Variants in MYRIP observed in about 807,000 individuals in gnomAD.
The protein encoded by MYRIP is rab effector MyRIP.
Under a neutral mutation model 98.0 loss-of-function variants are expected in MYRIP, and 49 were observed. The ratio of observed to expected loss-of-function variants is 0.50; its 90% CI spans 0.40 to 0.63. The LOEUF is 0.63. Among genes scored for constraint, MYRIP ranks in the 30% least tolerant of loss-of-function variants. The pLI, the probability that MYRIP is intolerant of heterozygous loss-of-function variation, is 0.00. For synonymous variants in MYRIP, 404 were observed against 409.5 expected (o/e 0.99, Z 0.16); for missense variants, 1,004 against 1,058.2 (o/e 0.95, Z 0.71).
At chr3:39,826,670 T>A (rs1575277957) in intron 1 of MYRIP, among the ~76,000 whole-genome samples, 1 of 152,160 alleles carries the variant, frequency 6.6e-6, no homozygotes, top group Non-Finnish European at 1.5e-5. Flanking sequence ...TGGGGTGCAG[T>A]TTAAATCCAA....
At chr3:39,847,431 TAAGG>T (rs888659791) in intron 1 of MYRIP, among the ~76,000 whole-genome samples, 1 of 152,158 alleles carries the variant, frequency 6.6e-6, no homozygotes, top group African/African-American at 2.4e-5. Context: ...CATAACAAAA[TAAGG>T]AAGAAATACT....
chr3:40,147,705 T>C (rs1950038149), intron 3 of MYRIP, among the ~76,000 whole-genome samples: 1 of 152,252 alleles, frequency 6.6e-6, no homozygotes. Flanking sequence ...TTTTTGGTTT[T>C]GGTTTTGATT....
intron 3 of MYRIP, among the ~76,000 whole-genome samples, chr3:40,147,474 T>C (rs1157907864): frequency 6.6e-6 from 1 of 152,192 alleles, no homozygotes; most frequent in South Asian, 2.1e-4. Flanking sequence ...TGTCTATAAA[T>C]AGGGTGAAAA....
chr3:39,838,706 G>A (rs1941702166), intron 1 of MYRIP, among the ~76,000 whole-genome samples: 1 of 152,032 alleles, frequency 6.6e-6, no homozygotes, highest in South Asian at 2.1e-4. Flanking sequence ...TTTCGTATCA[G>A]GATGATTCTG....
At chr3:40,069,122 G>T (rs914063799) in intron 3 of MYRIP, among the ~76,000 whole-genome samples, 1 of 152,106 alleles carries the variant, frequency 6.6e-6, no homozygotes, top group Non-Finnish European at 1.5e-5. Context: ...TGGGACAAAA[G>T]GATTGTAGTC....
chr3:39,814,125 C>G (rs1475919246), intron 1 of MYRIP, among the ~76,000 whole-genome samples: 5 of 152,030 alleles, frequency 3.3e-5, no homozygotes, highest in African/African-American at 1.2e-4. Context: ...GGGCATATAT[C>G]CTCAGAAGGG....
chr3:39,960,652 G>C (rs1449212454), intron 2 of MYRIP, among the ~76,000 whole-genome samples: 1 of 152,056 alleles, frequency 6.6e-6, no homozygotes, highest in Non-Finnish European at 1.5e-5. Flanking sequence ...AGCACTATTG[G>C]CGCCACATAT....
chr3:40,108,214 G>GAGAGAGAGA (rs1949089558), intron 3 of MYRIP, among the ~76,000 whole-genome samples: 2 of 120,762 alleles, frequency 1.7e-5, no homozygotes, highest in African/African-American at 6.5e-5. Context: ...AGAGAGAGAG[G>GAGAGAGAGA]GTGAGTCGAA....
At chr3:39,889,068 T>G (rs1306434925) in intron 1 of MYRIP, among the ~76,000 whole-genome samples, 1 of 151,972 alleles carries the variant, frequency 6.6e-6, no homozygotes, top group Admixed American at 6.6e-5. Flanking sequence ...GGAACACTTT[T>G]ACACTGTTGG....
chr3:40,224,383 T>G (rs1164611499), intron 11 of MYRIP, among the ~76,000 whole-genome samples: 1 of 150,330 alleles, frequency 6.7e-6, no homozygotes, highest in East Asian at 2.0e-4. Context: ...TATTAGGAAC[T>G]ATTGTCTGAG....
intron 2 of MYRIP, among the ~76,000 whole-genome samples, chr3:39,959,224 G>A (rs1327157967): frequency 1.2e-4 from 15 of 122,406 alleles, no homozygotes; most frequent in Admixed American, 3.5e-4. Flanking sequence ...ACATGCACAC[G>A]TATGTTTATT....
intron 2 of MYRIP, among the ~76,000 whole-genome samples, chr3:40,036,508 T>C (rs1947389817): frequency 1.3e-5 from 2 of 151,900 alleles, no homozygotes; most frequent in South Asian, 4.1e-4. Flanking sequence ...GCAACAAAAT[T>C]GTTAAATGTG....
Position 40,240,485 on chromosome 3 carries a change from G to A in MYRIP, c.2101-3961G>A, listed in dbSNP as rs997452216. On this transcript the variant is annotated intron_variant, in intron 12 of 16. Transcript: ENST00000302541. ...CGAGGCATTGCCTCACTCGGGAAGC[G>A]CAAGGGGTCAGGGAGTTCCCTTTCC... Among the ~76,000 whole-genome samples the A allele has an allele frequency of 4.6e-5, 7 of 152,366 alleles. No individual in the cohort carries two copies. In the East Asian group the frequency reaches 9.6e-4, roughly 21 times the overall value.
chr3:40,034,275 G>A (rs1181710279), intron 2 of MYRIP, among the ~76,000 whole-genome samples: 3 of 152,118 alleles, frequency 2.0e-5, no homozygotes, highest in Non-Finnish European at 2.9e-5. Flanking sequence ...TACCATCAGA[G>A]TGAACAGGCC....
chr3:40,071,694 T>C (rs1948234866), intron 3 of MYRIP, among the ~76,000 whole-genome samples: 1 of 151,920 alleles, frequency 6.6e-6, no homozygotes, highest in Non-Finnish European at 1.5e-5. Context: ...GCTGGGGAGG[T>C]TGGGGTGGAG....
chr3:39,863,691 A>G (rs1559500542), intron 1 of MYRIP, among the ~76,000 whole-genome samples: 1 of 152,194 alleles, frequency 6.6e-6, no homozygotes, highest in East Asian at 1.9e-4. Flanking sequence ...ATCCAGAAAA[A>G]GCTCAGGACC....
chr3:40,175,295 A>AC (rs1301941408), intron 8 of MYRIP, among the ~76,000 whole-genome samples: 2 of 152,088 alleles, frequency 1.3e-5, no homozygotes, highest in Non-Finnish European at 2.9e-5. Context: ...AAGTGGTGAA[A>AC]CAGATACTCA....
intron 3 of MYRIP, among the ~76,000 whole-genome samples, chr3:40,065,177 G>A (rs577757996): frequency 5.3e-5 from 8 of 152,218 alleles, no homozygotes; most frequent in African/African-American, 1.7e-4. Flanking sequence ...CCTTTGCTTG[G>A]AGCCATGTAA....
At chr3:39,921,097 C>T (rs1469241624) in intron 2 of MYRIP, among the ~76,000 whole-genome samples, 5 of 152,116 alleles carry the variant, frequency 3.3e-5, no homozygotes, top group East Asian at 1.9e-4. Context: ...CTAAAATTAA[C>T]GTTATCAGAC....
Sources: allele counts gnomAD v4.1 joint callset (sites outside exome capture counted in the v4.1 genomes callset), GRCh38; gene constraint gnomAD v4.1.1; transcripts MANE v1.5; gene names NCBI Gene and HGNC (gene_info 2026-07-23, HGNC 2026-07-21).